The following SNX29 variants were observed in gnomAD, a reference collection of about 807,000 sequenced individuals.
SNX29 encodes the protein sorting nexin-29.
Under a neutral mutation model 102.1 loss-of-function variants are expected in SNX29, and 78 were observed. That is an observed-to-expected ratio of 0.76 (90% CI 0.64 to 0.92). The LOEUF (loss-of-function observed/expected upper bound fraction) is 0.92, where lower values mean the gene tolerates loss of function less well. Ranked by LOEUF, SNX29 falls within the 40% of genes least tolerant of loss-of-function variation. The pLI is 0.00. For synonymous variants in SNX29, 580 were observed against 414.5 expected, an observed-to-expected ratio of 1.40 and a Z score of -4.85; for missense variants, 1,280 against 1,061.7, an observed-to-expected ratio of 1.21 and a Z score of -2.86.
chr16:12,335,593 T>C (rs2081422335), intron 15 of SNX29, among the ~76,000 whole-genome samples: 1 of 152,164 alleles, frequency 6.6e-6, no homozygotes, highest in African/African-American at 2.4e-5. Context: ...GGAGGATCTC[T>C]TGAGCCTAGG....
At chr16:12,041,265 C>T (rs1466281039) in intron 4 of SNX29, among the ~76,000 whole-genome samples, 1 of 152,126 alleles carries the variant, frequency 6.6e-6, no homozygotes, top group Non-Finnish European at 1.5e-5. Flanking sequence ...GTGCCTGCCA[C>T]CATGCCTGGC....
At chr16:12,079,098 G>C (rs1281197739) in intron 11 of SNX29, among the ~76,000 whole-genome samples, 183 bp downstream of exon 11, 1 of 152,234 alleles carries the variant, frequency 6.6e-6, no homozygotes, top group Non-Finnish European at 1.5e-5. Flanking sequence ...AATGCGTGGC[G>C]CTTGGGCGTG....
chr16:12,267,989 T>C (rs2078978733), intron 14 of SNX29, among the ~76,000 whole-genome samples: 1 of 152,182 alleles, frequency 6.6e-6, no homozygotes, highest in Admixed American at 6.5e-5. Context: ...TGGTAGAACA[T>C]GTGGGTGCCC....
At chr16:12,449,370 C>T (rs31713) in intron 18 of SNX29, among the ~76,000 whole-genome samples, 104,744 of 151,486 alleles carry the variant, frequency 0.69, 37,388 homozygotes, top group African/African-American at 0.88. Context: ...AGAATAGGCA[C>T]GGCAAGGACA....
At chr16:12,277,718 G>A (rs1446071391) in intron 14 of SNX29, among the ~76,000 whole-genome samples, 1 of 152,072 alleles carries the variant, frequency 6.6e-6, no homozygotes, top group African/African-American at 2.4e-5. Context: ...GACACTACAG[G>A]CGCACACCAC....
At chr16:12,443,115 T>G (rs2085884972) in intron 18 of SNX29, 8 of 439,100 alleles carry the variant, frequency 1.8e-5, no homozygotes, top group South Asian at 3.3e-5. Context: ...CAGAGGAAGA[T>G]GGAGCATCTG....
intron 14 of SNX29, among the ~76,000 whole-genome samples, chr16:12,217,941 C>G (rs2142087238): frequency 6.6e-6 from 1 of 152,288 alleles, no homozygotes; most frequent in South Asian, 2.1e-4. Flanking sequence ...AATTTGGTTC[C>G]TCATTGGGAG....
At position 12,027,256 on chromosome 16, in the gene SNX29, TG is replaced by T; in HGVS notation, c.123-60del. The T allele has an allele frequency of 8.8e-6, 14 of 1,599,040 alleles. No individual in the cohort carries two copies. In the South Asian group the frequency reaches 1.6e-4, roughly 18 times the overall value. Reference sequence around the variant, plus strand: ...CGGCTTACTCACTTCCTGGAGATGCTGGGGCCGCCCTAGTTGCTACTCCCTT... The same window carrying T: ...CGGCTTACTCACTTCCTGGAGATGCTGGGCCGCCCTAGTTGCTACTCCCTT... On this transcript the variant is annotated intron_variant, in intron 3 of 20. Transcript: ENST00000566228.
chr16:12,413,699 A>T (rs2084502752), intron 18 of SNX29, among the ~76,000 whole-genome samples: 1 of 152,194 alleles, frequency 6.6e-6, no homozygotes, highest in Admixed American at 6.5e-5. Flanking sequence ...GGAGGTGGGC[A>T]GCATGTTGAG....
chr16:12,295,009 C>A (rs992843548), intron 15 of SNX29, among the ~76,000 whole-genome samples: 1 of 152,058 alleles, frequency 6.6e-6, no homozygotes, highest in Non-Finnish European at 1.5e-5. Context: ...AGAATGAGAA[C>A]CAAGTGAAAG....
chr16:12,006,824 G>A (rs573116075), intron 3 of SNX29, among the ~76,000 whole-genome samples: 4 of 152,172 alleles, frequency 2.6e-5, no homozygotes, highest in South Asian at 2.1e-4. Context: ...TCACTATGTT[G>A]CCCAGGCTGG....
intron 11 of SNX29, among the ~76,000 whole-genome samples, chr16:12,120,078 G>A (rs1276319642): frequency 2.6e-5 from 4 of 152,132 alleles, no homozygotes; most frequent in East Asian, 1.9e-4. Flanking sequence ...GAAACAGAAC[G>A]AAAAGTTAGA....
intron 18 of SNX29, among the ~76,000 whole-genome samples, chr16:12,419,378 A>G (rs778608031): frequency 3.3e-5 from 5 of 151,972 alleles, no homozygotes; most frequent in Non-Finnish European, 5.9e-5. Flanking sequence ...AGTGTGGGAG[A>G]CAGCTGACCA....
rs1257499315 is a variant in SNX29 at position 12,098,406 on chromosome 16, C to T, written c.1402+19491C>T. On this transcript the variant is annotated intron_variant, in intron 11 of 20. Transcript: ENST00000566228. This position sits in a 1 kb window ranked among gnomAD's most constrained non-coding sequence, Gnocchi z 6.0. ...CATTGGAGTTCACCTTCTGGAAGAA[C>T]GTCGCTGCCCAGTTGAATAGGGGGT... Among the ~76,000 whole-genome samples, 6 of 152,178 alleles carry T rather than the reference C, an allele frequency of 3.9e-5. No individual in the cohort carries two copies. In the East Asian group the frequency reaches 5.8e-4, roughly 15 times the overall value.
intron 6 of SNX29, among the ~76,000 whole-genome samples, chr16:12,047,590 TC>T (rs1479941083): frequency 4.0e-5 from 6 of 151,610 alleles, no homozygotes; most frequent in African/African-American, 1.5e-4. Flanking sequence ...GATAATATTG[TC>T]CCCATCTTAC....
chr16:12,013,024 G>T (rs1376452052), intron 3 of SNX29, among the ~76,000 whole-genome samples: 1 of 151,782 alleles, frequency 6.6e-6, no homozygotes, highest in Non-Finnish European at 1.5e-5. Flanking sequence ...GAGGAGTGGA[G>T]GTGGGTGGGG....
chr16:12,484,099 C>T (rs140742492), intron 19 of SNX29, among the ~76,000 whole-genome samples: 4 of 152,182 alleles, frequency 2.6e-5, no homozygotes, highest in Non-Finnish European at 4.4e-5. Context: ...TCAAAGGAGT[C>T]GCAGTTCACC....
At chr16:12,407,238 C>T (rs1680548367) in intron 18 of SNX29, among the ~76,000 whole-genome samples, 1 of 152,242 alleles carries the variant, frequency 6.6e-6, no homozygotes, top group Non-Finnish European at 1.5e-5. Flanking sequence ...CACTCTCTTA[C>T]CTCTCATGTC....
At chr16:12,009,329 A>G (rs1239946403) in intron 3 of SNX29, among the ~76,000 whole-genome samples, 2 of 151,900 alleles carry the variant, frequency 1.3e-5, no homozygotes, top group African/African-American at 4.8e-5. Flanking sequence ...GGTGCACCGT[A>G]TTTTGCCAAA....
Sources: allele counts gnomAD v4.1 joint callset (sites outside exome capture counted in the v4.1 genomes callset), GRCh38; gene constraint gnomAD v4.1.1; non-coding constraint Gnocchi (gnomAD v3.1); transcripts MANE v1.5; gene names NCBI Gene and HGNC (gene_info 2026-07-23, HGNC 2026-07-21).